The following KDM4C variants were observed in gnomAD, a reference collection of about 807,000 sequenced individuals.
The protein encoded by KDM4C is lysine-specific demethylase 4C.
A neutral mutation model predicts 129.3 loss-of-function variants in KDM4C; 81 were observed. The ratio of observed to expected loss-of-function variants is 0.63; its 90% confidence interval spans 0.52 to 0.75. The LOEUF (loss-of-function observed/expected upper bound fraction) is 0.75. Ranked by LOEUF, KDM4C falls within the 30% of genes least tolerant of loss-of-function variation. KDM4C has a pLI of 0.00. For missense variants in KDM4C, 1,457 were observed against 1,304.0 expected (o/e 1.12, Z -1.81); for synonymous variants, 573 against 456.1 (o/e 1.26, Z -3.26).
chr9:7,071,597 C>G (rs996835462), intron 17 of KDM4C, among the ~76,000 whole-genome samples: 1 of 152,102 alleles, frequency 6.6e-6, no homozygotes, highest in Non-Finnish European at 1.5e-5. Flanking sequence ...TTGATCCATA[C>G]TCATTTTATG....
intron 11 of KDM4C, among the ~76,000 whole-genome samples, chr9:6,988,708 T>C (rs906769177): frequency 3.4e-5 from 5 of 147,922 alleles, no homozygotes; most frequent in Non-Finnish European, 6.0e-5. Flanking sequence ...ATCCATCCAT[T>C]CATCTTGGGC....
chr9:6,933,410 T>G (rs1824125751), intron 8 of KDM4C, among the ~76,000 whole-genome samples: 1 of 152,168 alleles, frequency 6.6e-6, no homozygotes, highest in African/African-American at 2.4e-5. Context: ...TAACCATCAG[T>G]GGTTGAAATA....
chr9:7,162,215 T>C (rs1843873789), intron 19 of KDM4C, among the ~76,000 whole-genome samples: 1 of 152,228 alleles, frequency 6.6e-6, no homozygotes, highest in Non-Finnish European at 1.5e-5. Flanking sequence ...GTTATTTTTC[T>C]TCTTCTATAA....
At chr9:7,104,098 G>A (rs1012985218) in intron 18 of KDM4C, 1 of 494,228 alleles carries the variant, frequency 2.0e-6, no homozygotes, top group African/African-American at 1.9e-5. Context: ...TGTCTGAGTT[G>A]AATGAGTGAA....
intron 17 of KDM4C, chr9:7,077,014 C>T: frequency 1.0e-6 from 1 of 985,476 alleles, no homozygotes; most frequent in Non-Finnish European, 1.2e-6. Context: ...CAGCCTGAAT[C>T]CTTCCTTCTT....
intron 1 of KDM4C, among the ~76,000 whole-genome samples, chr9:6,792,708 G>A (rs1160638859): frequency 6.6e-6 from 1 of 152,086 alleles, no homozygotes; most frequent in Non-Finnish European, 1.5e-5. Context: ...TTTTTACTTG[G>A]AAGGGTTTTG....
At chr9:7,105,503 G>C (rs923844204) in intron 18 of KDM4C, 9 of 469,850 alleles carry the variant, frequency 1.9e-5, no homozygotes, top group Admixed American at 7.1e-5. Flanking sequence ...TGGGCCACGT[G>C]AGTAGTGTTT....
At chr9:7,049,012 C>T in intron 16 of KDM4C, 80 bp from the exon 17 acceptor site, 6 of 873,110 alleles carry the variant, frequency 6.9e-6, no homozygotes, top group African/African-American at 3.3e-5. Flanking sequence ...TATTTCCCAT[C>T]TGTGAGAACT....
intron 17 of KDM4C, among the ~76,000 whole-genome samples, chr9:7,094,062 G>A (rs1198381489): frequency 1.3e-5 from 2 of 152,254 alleles, no homozygotes; most frequent in South Asian, 2.1e-4. Context: ...GCAGCTTCAT[G>A]AGGAATAGGT....
At chr9:6,994,144 G>C (rs1287990014) in intron 12 of KDM4C, among the ~76,000 whole-genome samples, 2 of 152,120 alleles carry the variant, frequency 1.3e-5, no homozygotes, top group Non-Finnish European at 2.9e-5. Flanking sequence ...GTTCACAATA[G>C]GATTTGTGTT....
intron 19 of KDM4C, among the ~76,000 whole-genome samples, chr9:7,135,791 T>C (rs1841140578): frequency 1.3e-5 from 2 of 152,184 alleles, no homozygotes; most frequent in African/African-American, 4.8e-5. Flanking sequence ...TGGATCTTCG[T>C]CGGTGTCTAC....
intron 5 of KDM4C, among the ~76,000 whole-genome samples, chr9:6,854,546 CAAAA>C (rs796548476): frequency 1.8e-5 from 2 of 108,642 alleles, no homozygotes; most frequent in African/African-American, 6.8e-5. Context: ...AAAAAAAAAA[CAAAA>C]AAAAAACTAA....
chr9:6,818,956 T>C (rs1832580588), intron 4 of KDM4C: 1 of 152,204 alleles, frequency 6.6e-6, no homozygotes, highest in Non-Finnish European at 1.5e-5. Flanking sequence ...AGTTTCTTCC[T>C]GTGCGTTGTA....
chr9:6,847,024 A>G (rs1010918207), intron 4 of KDM4C, among the ~76,000 whole-genome samples: 1 of 151,816 alleles, frequency 6.6e-6, no homozygotes, highest in East Asian at 1.9e-4. Context: ...TTTGATCTCT[A>G]CCCTCTTCCC....
At chr9:7,166,482 C>T (rs1285124943) in intron 20 of KDM4C, among the ~76,000 whole-genome samples, 2 of 151,834 alleles carry the variant, frequency 1.3e-5, no homozygotes, top group African/African-American at 4.8e-5. Flanking sequence ...GTGTAAAGGC[C>T]ATTTCCCCCT....
intron 8 of KDM4C, among the ~76,000 whole-genome samples, chr9:6,896,718 G>A (rs1038560296): frequency 4.6e-5 from 7 of 152,132 alleles, no homozygotes; most frequent in Non-Finnish European, 8.8e-5. Flanking sequence ...TTCTACTTAT[G>A]GAGACTAGGC....
intron 5 of KDM4C, among the ~76,000 whole-genome samples, chr9:6,857,922 GTTTT>G (rs71487861): frequency 1.2e-4 from 12 of 103,096 alleles, no homozygotes; most frequent in Non-Finnish European, 1.3e-4. Context: ...ATCTGGCTAA[GTTTT>G]TTTTTTTTTT....
chr9:6,921,061 G>T (rs1053934570), intron 8 of KDM4C, among the ~76,000 whole-genome samples: 1 of 151,524 alleles, frequency 6.6e-6, no homozygotes, highest in African/African-American at 2.4e-5. Context: ...CACATTTCTT[G>T]TTTCCGTCTG....
intron 1 of KDM4C, among the ~76,000 whole-genome samples, chr9:6,732,791 T>A (rs1236504500): frequency 6.6e-6 from 1 of 152,018 alleles, no homozygotes; most frequent in African/African-American, 2.4e-5. Context: ...GATGGGCAGA[T>A]CATTTGAGGT....
Sources: allele counts gnomAD v4.1 joint callset (sites outside exome capture counted in the v4.1 genomes callset), GRCh38; gene constraint gnomAD v4.1.1; transcripts MANE v1.5; gene names NCBI Gene and HGNC (gene_info 2026-07-23, HGNC 2026-07-21).